Variants in IKZF1 observed in about 807,000 individuals in gnomAD.
The protein encoded by IKZF1 is DNA-binding protein Ikaros.
In IKZF1, 10 loss-of-function variants were observed where a neutral mutation model predicts 51.7. That is an observed-to-expected ratio of 0.19 (90% CI 0.12 to 0.33). IKZF1 has a LOEUF of 0.33. Among genes scored for constraint, IKZF1 ranks in the 10% least tolerant of loss-of-function variants. The pLI is 1.00. For missense variants in IKZF1, 484 were observed against 707.5 expected (o/e 0.68, Z 3.58); for synonymous variants, 280 against 282.3 (o/e 0.99, Z 0.08).
intron 3 of IKZF1, among the ~76,000 whole-genome samples, chr7:50,363,774 G>A (rs146985454): frequency 6.6e-6 from 1 of 152,290 alleles, no homozygotes; most frequent in African/African-American, 2.4e-5. Flanking sequence ...AGCACTTCAG[G>A]ATCTAACTCG....
chr7:50,329,582 A>G (rs1439366648), intron 3 of IKZF1, among the ~76,000 whole-genome samples: 2 of 152,236 alleles, frequency 1.3e-5, no homozygotes, highest in Non-Finnish European at 2.9e-5. Context: ...GTACATAGAT[A>G]TGATAAAAGT....
chr7:50,318,982 C>A, intron 1 of IKZF1, 66 bp from the exon 2 acceptor site: 2 of 1,000,364 alleles, frequency 2.0e-6, no homozygotes, highest in Non-Finnish European at 3.2e-6. Context: ...TTCTTTATCT[C>A]TCTCTCTTTC....
At chr7:50,312,462 C>G (rs1051181355) in intron 1 of IKZF1, among the ~76,000 whole-genome samples, 3 of 152,226 alleles carry the variant, frequency 2.0e-5, no homozygotes, top group Non-Finnish European at 4.4e-5. Flanking sequence ...GGGCTTCTTG[C>G]AGCAACAAAC....
chr7:50,401,180 A>G lies in IKZF1; in HGVS notation c.*553A>G, dbSNP rs983326351. 8.4e-6 allele frequency: 2 copies of G among 238,844 alleles called. No individual in the cohort carries two copies. The highest frequency in any genetic ancestry group is 1.6e-5 in the Non-Finnish European group (2 of 122,446). 14.8% of individuals were successfully genotyped at this position (238,844 alleles called of 1,614,324 possible). ...CCCAGGCCAGCTTCGAGCTACATGCATCTAGGGCGGAGAGGCTGCACTTGT... is the reference window on the plus strand; with the variant it reads ...CCCAGGCCAGCTTCGAGCTACATGCGTCTAGGGCGGAGAGGCTGCACTTGT... On this transcript the variant is annotated 3_prime_UTR_variant, in exon 8 of 8. Transcript: ENST00000331340.
chr7:50,316,268 C>T (rs571157390), intron 1 of IKZF1, among the ~76,000 whole-genome samples: 1 of 152,258 alleles, frequency 6.6e-6, no homozygotes, highest in Non-Finnish European at 1.5e-5. Context: ...GTGAACATCA[C>T]CCCAAGCAAA....
intron 3 of IKZF1, among the ~76,000 whole-genome samples, chr7:50,354,370 T>G (rs1439899011): frequency 2.6e-5 from 4 of 152,314 alleles, no homozygotes; most frequent in African/African-American, 9.6e-5. Context: ...TGAGCATCAT[T>G]CTGCTTTCTG....
chr7:50,367,780 G>A, intron 3 of IKZF1: 1 of 512,802 alleles, frequency 2.0e-6, no homozygotes, highest in Non-Finnish European at 3.5e-6. Flanking sequence ...CCACTTTATG[G>A]GATATAATGC....
At chr7:50,303,775 G>A (rs1788111078), upstream of IKZF1, among the ~76,000 whole-genome samples, 1 of 151,630 alleles carries the variant, frequency 6.6e-6, no homozygotes, top group African/African-American at 2.4e-5. The surrounding 1 kb of genome is among the most constrained non-coding windows in gnomAD (Gnocchi z 4.7). Flanking sequence ...CGGGGCGAGC[G>A]TGAGGGTGCC....
intron 1 of IKZF1, among the ~76,000 whole-genome samples, chr7:50,312,788 A>G (rs1016542566): frequency 6.6e-6 from 1 of 152,226 alleles, no homozygotes; most frequent in Non-Finnish European, 1.5e-5. Flanking sequence ...TTTGCCCTCA[A>G]AAAGTTTCAC....
chr7:50,391,794 T>G lies in IKZF1; in HGVS notation c.781T>G (p.Ser261Ala). 1 of 1,613,914 alleles carries G rather than the reference T, an allele frequency of 6.2e-7. No individual in the cohort carries two copies. Among genetic ancestry groups the G allele is most frequent in the Non-Finnish European group, 8.5e-7 (1 of 1,179,886 alleles). Residue 261 changes from serine to alanine, a missense_variant, in exon 7 of 8, where the codon TCT becomes GCT. Transcript: ENST00000331340. ...EDLCKIGSER[S>A]LVLDRLASNV... ...CCTGTGCAAGATAGGATCAGAGAGA[T>G]CTCTCGTGCTGGACAGACTAGCAAG...
At chr7:50,368,384 G>A (rs1223625681) in intron 3 of IKZF1, 2 of 665,048 alleles carry the variant, frequency 3.0e-6, no homozygotes, top group Non-Finnish European at 5.5e-6. Context: ...TTTTTATTGA[G>A]TGTGAGGATA....
At chr7:50,365,874 A>G (rs1008365390) in intron 3 of IKZF1, among the ~76,000 whole-genome samples, 3 of 152,230 alleles carry the variant, frequency 2.0e-5, no homozygotes, top group African/African-American at 7.2e-5. Flanking sequence ...GAATCAACCT[A>G]CATGCCCATC....
chr7:50,322,948 T>G lies in IKZF1; in HGVS notation c.40+3847T>G, dbSNP rs117478341. 1.6e-3 allele frequency among the ~76,000 whole-genome samples: 249 copies of G among 152,278 alleles called. 4 individuals are homozygous for G. The East Asian group carries it at 0.038, about 23-fold the overall frequency. ...TAATGCTATTTGTAGTGTGTTTTTT[T>G]GGGGATATGGAAACCAGAAGTTTGT... is the stretch of plus-strand genomic sequence containing the variant. On this transcript the variant is annotated intron_variant, in intron 2 of 7. Coordinates refer to ENST00000331340, the MANE Select transcript of IKZF1 (RefSeq NM_006060.6).
intron 3 of IKZF1, among the ~76,000 whole-genome samples, chr7:50,333,474 C>A (rs1043875983): frequency 6.6e-6 from 1 of 152,266 alleles, no homozygotes; most frequent in African/African-American, 2.4e-5. Flanking sequence ...GGATGCGGAG[C>A]CTGCTTATCT....
chr7:50,336,322 A>G (rs1488712056), intron 3 of IKZF1, among the ~76,000 whole-genome samples: 3 of 152,026 alleles, frequency 2.0e-5, no homozygotes, highest in African/African-American at 7.3e-5. Context: ...ACAGGCACGC[A>G]TGTGCTGGTG....
rs374267123 is a variant in IKZF1 at position 50,319,076 on chromosome 7, G to A, written c.15G>A (p.Glu5=). 1.2e-4 allele frequency: 196 copies of A among 1,613,470 alleles called. 1 individual carries two copies. The highest frequency in any genetic ancestry group is 8.9e-4 in the South Asian group (81 of 91,052). ...ACCTGAGGACCATGGATGCTGATGAGGGTCAAGACATGTCCCAAGTTTCAG... is the reference window on the plus strand; with the variant it reads ...ACCTGAGGACCATGGATGCTGATGAAGGTCAAGACATGTCCCAAGTTTCAG... The part of the protein sequence containing the change: MDAD[E]GQDMSQVSGK... Residue 5 remains glutamate, a synonymous_variant, in exon 2 of 8, where the codon GAG becomes GAA. Transcript: ENST00000331340.
At chr7:50,380,997 A>G (rs1811691677) in intron 4 of IKZF1, among the ~76,000 whole-genome samples, 1 of 152,198 alleles carries the variant, frequency 6.6e-6, no homozygotes, top group South Asian at 2.1e-4. Flanking sequence ...GATTTCTGTA[A>G]GGATTTGGAG....
chr7:50,325,362 A>G (rs1794669712), intron 2 of IKZF1, among the ~76,000 whole-genome samples: 1 of 150,876 alleles, frequency 6.6e-6, no homozygotes, highest in Admixed American at 6.7e-5. Context: ...GTCATCTTAT[A>G]CAAAAATAAG....
At chr7:50,321,270 G>T (rs569400124) in intron 2 of IKZF1, among the ~76,000 whole-genome samples, 1 of 152,036 alleles carries the variant, frequency 6.6e-6, no homozygotes, top group African/African-American at 2.4e-5. Context: ...ACTTTGTTTC[G>T]TAAACAAAAA....
Sources: gnomAD v4.1 joint callset for allele counts (sites outside exome capture counted in the v4.1 genomes callset) on GRCh38, gnomAD v4.1.1 for gene constraint, Gnocchi (gnomAD v3.1) non-coding constraint, MANE v1.5 for transcripts, NCBI Gene and HGNC (gene_info 2026-07-23, HGNC 2026-07-21) for gene names.